Variants in HTR5A observed in about 807,000 individuals in gnomAD.
The protein encoded by HTR5A is 5-HT-5.
A neutral mutation model predicts 24.3 loss-of-function variants in HTR5A; 21 were observed. The observed-to-expected ratio is 0.86, with a 90% CI of 0.61 to 1.24. HTR5A has a LOEUF of 1.24. Ranked by LOEUF, HTR5A falls within the 50% of genes most tolerant of loss-of-function variation. HTR5A has a pLI of 0.00. For synonymous variants in HTR5A, 260 were observed against 213.7 expected, an observed-to-expected ratio of 1.22 and a Z score of -1.89; for missense variants, 497 against 489.5, an observed-to-expected ratio of 1.02 and a Z score of -0.15.
intron 1 of HTR5A, among the ~76,000 whole-genome samples, chr7:155,078,469 C>T (rs1384104635): frequency 1.3e-5 from 2 of 152,118 alleles, no homozygotes; most frequent in African/African-American, 4.8e-5. Context: ...TGTTCCATCA[C>T]ACCTGGCTAA....
chr7:155,073,996 C>G (rs7800742), intron 1 of HTR5A, among the ~76,000 whole-genome samples: 3,529 of 150,370 alleles, frequency 0.023, 136 homozygotes, highest in African/African-American at 0.082. Context: ...GCAAAAGGAC[C>G]CAAAATAATC....
rs1333907597 is a variant in HTR5A at position 155,084,335 on chromosome 7, A to T, written c.922A>T (p.Ser308Cys). 1 of 1,614,078 alleles carries T rather than the reference A, an allele frequency of 6.2e-7. No homozygotes were observed. The highest frequency in any genetic ancestry group is 8.5e-7 in the Non-Finnish European group (1 of 1,180,020). Residue 308 changes from serine (S) to cysteine (C), a missense_variant, in exon 2 of 2, where the codon AGT (serine) becomes TGT (cysteine). Coordinates refer to ENST00000287907, the MANE Select transcript of HTR5A (RefSeq NM_024012.4). ...CCCCTTCTTTCTCACCGAGCTCATC[A>T]GTCCCCTCTGCTCCTGTGACATCCC... ...WIPFFLTELI[S>C]PLCSCDIPAI...
rs1422605311 is a variant in HTR5A at position 155,070,681 on chromosome 7, A to G, written c.-219A>G. ...CGCAGCCCCTCGCCTCTGCTTCCTT[A>G]GCCTCTGAGGGCTTCAGACCTGCCG... On this transcript the variant is annotated 5_prime_UTR_variant, in exon 1 of 2. Coordinates refer to ENST00000287907, the MANE Select transcript of HTR5A (RefSeq NM_024012.4). 8.6e-6 allele frequency: 5 copies of G among 580,576 alleles called. No individual in the cohort carries two copies. Among genetic ancestry groups the G allele is most frequent in the Non-Finnish European group, 1.5e-5 (5 of 326,828 alleles). The allele number at this position is 580,576 out of a possible 1,614,324, so 36.0% of individuals were successfully genotyped here. A position where few individuals can be genotyped will look rare whatever the true frequency, so the allele number is the denominator to read the frequency against.
chr7:155,079,401 T>G (rs181146686), intron 1 of HTR5A, among the ~76,000 whole-genome samples: 71 of 152,340 alleles, frequency 4.7e-4, no homozygotes, highest in African/African-American at 1.5e-3. Context: ...TAAAGCTGAA[T>G]AGAAAAATAC....
Position 155,086,897 on chromosome 7 carries a change from C to T in HTR5A, c.*2410C>T, listed in dbSNP as rs1444802800. Among the ~76,000 whole-genome samples, 7 of 152,102 alleles carry T rather than the reference C, an allele frequency of 4.6e-5. No homozygotes were observed. In the South Asian group the frequency reaches 6.2e-4, roughly 14 times the overall value. Reference sequence around the variant, plus strand: ...TGCTCAAAATAACTAATTGTGTTCCCGTGCCAGATTGCAACAACCACCTTT... The same window carrying T: ...TGCTCAAAATAACTAATTGTGTTCCTGTGCCAGATTGCAACAACCACCTTT... On this transcript the variant is annotated 3_prime_UTR_variant, in exon 2 of 2. Transcript: ENST00000287907.
At chr7:155,075,230 T>C (rs1208709543) in intron 1 of HTR5A, among the ~76,000 whole-genome samples, 2 of 152,010 alleles carry the variant, frequency 1.3e-5, no homozygotes, top group African/African-American at 4.8e-5. Flanking sequence ...CAGCCAAAGC[T>C]GCAGGAGAGA....
intron 1 of HTR5A, among the ~76,000 whole-genome samples, chr7:155,076,911 T>G (rs1335086485): frequency 6.6e-6 from 1 of 152,202 alleles, no homozygotes; most frequent in Non-Finnish European, 1.5e-5. Context: ...AGCGGTGAAC[T>G]TAAAATAAGC....
chr7:155,078,726 T>C (rs1795384430), intron 1 of HTR5A, among the ~76,000 whole-genome samples: 1 of 148,348 alleles, frequency 6.7e-6, no homozygotes, highest in Admixed American at 6.9e-5. Flanking sequence ...AACTGGGTTA[T>C]ATAACTCTTC....
intron 1 of HTR5A, among the ~76,000 whole-genome samples, chr7:155,083,540 G>T (rs572139702): frequency 1.1e-4 from 16 of 152,326 alleles, no homozygotes; most frequent in South Asian, 6.2e-4. Context: ...TGGAGGCCTT[G>T]GGGGCACCCC....
rs1483706551 is a variant in HTR5A at position 155,086,692 on chromosome 7, G to A, written c.*2205G>A. ...AGAGAAGGAAGAAGTGGCAATTAAT[G>A]AATTATTTTGCTTCCATTTCAATAG... is the stretch of plus-strand genomic sequence containing the variant. On this transcript the variant is annotated 3_prime_UTR_variant, in exon 2 of 2. Coordinates refer to ENST00000287907, the MANE Select transcript of HTR5A (RefSeq NM_024012.4). Among the ~76,000 whole-genome samples the A allele has an allele frequency of 6.6e-6, 1 of 152,158 alleles. No homozygotes were observed. Among genetic ancestry groups the A allele is most frequent in the Non-Finnish European group, 1.5e-5 (1 of 68,024 alleles).
rs1188358953 is a variant in HTR5A at position 155,087,261 on chromosome 7, A to T, written c.*2774A>T. Among the ~76,000 whole-genome samples the T allele has an allele frequency of 2.6e-5, 4 of 152,154 alleles. No homozygotes were observed. Among genetic ancestry groups the T allele is most frequent in the African/African-American group, 9.7e-5 (4 of 41,440 alleles). On this transcript the variant is annotated 3_prime_UTR_variant, in exon 2 of 2. Transcript: ENST00000287907. Reference sequence around the variant, plus strand: ...AGCTTGTTATTTCTCTCTTCTTTTCATGAGGAGCATTTTTGCTTCCGTGTT... The same window carrying T: ...AGCTTGTTATTTCTCTCTTCTTTTCTTGAGGAGCATTTTTGCTTCCGTGTT...
chr7:155,070,365 G>C lies in HTR5A; in HGVS notation c.-535G>C, dbSNP rs956621707. The C allele has an allele frequency of 1.3e-5, 6 of 454,962 alleles. 1 individual carries two copies. The highest frequency in any genetic ancestry group is 6.5e-4 in the Middle Eastern group (2 of 3,068). The allele number at this position is 454,962 out of a possible 1,614,324, so 28.2% of individuals were successfully genotyped here. On this transcript the variant is annotated 5_prime_UTR_variant, in exon 1 of 2. Transcript: ENST00000287907. ...AGCTGCAGCCTCCGAAGGGGTGGCG[G>C]GGGCAACAGGGACAGAAGGCAGGTC...
chr7:155,076,976 C>T (rs988447399), intron 1 of HTR5A, among the ~76,000 whole-genome samples: 1 of 152,150 alleles, frequency 6.6e-6, no homozygotes, highest in Non-Finnish European at 1.5e-5. Context: ...AGCATGGCCC[C>T]ATATTTTCAT....
intron 1 of HTR5A, among the ~76,000 whole-genome samples, chr7:155,081,270 T>C (rs1044777698): frequency 6.6e-6 from 1 of 152,260 alleles, no homozygotes; most frequent in African/African-American, 2.4e-5. Flanking sequence ...TCAATACCCA[T>C]TATTGAAGGT....
At chr7:155,081,965 G>A (rs1270712643) in intron 1 of HTR5A, among the ~76,000 whole-genome samples, 2 of 152,188 alleles carry the variant, frequency 1.3e-5, no homozygotes, top group Admixed American at 1.3e-4. Flanking sequence ...TCTGAACAAC[G>A]TGGAGTTCTA....
intron 1 of HTR5A, among the ~76,000 whole-genome samples, chr7:155,073,638 A>G (rs1004779841): frequency 1.3e-5 from 2 of 151,646 alleles, no homozygotes; most frequent in South Asian, 2.1e-4. Context: ...CCTTTTATGA[A>G]TCTTCCTCTC....
In HTR5A at chr7:155,087,092, C is replaced by T. The variant is rs889562595; in HGVS notation, c.*2605C>T. 1.1e-4 allele frequency among the ~76,000 whole-genome samples: 16 copies of T among 152,104 alleles called. No homozygotes were observed. The highest frequency in any genetic ancestry group is 9.8e-4 in the Admixed American group (15 of 15,276). On this transcript the variant is annotated 3_prime_UTR_variant, in exon 2 of 2. Transcript: ENST00000287907. ...GACAAAGTACAAAGGAGATAATCCT[C>T]TCCTTATGAGTGATCTTAGCCCTCT...
chr7:155,085,597 A>G lies in HTR5A; in HGVS notation c.*1110A>G, dbSNP rs1219581382. 1 of 152,188 alleles carries G rather than the reference A, an allele frequency of 6.6e-6. No homozygotes were observed. The highest frequency in any genetic ancestry group is 1.5e-5 in the Non-Finnish European group (1 of 68,022). The allele number at this position is 152,188 out of a possible 1,614,324, so 9.4% of individuals were successfully genotyped here. A position where few individuals can be genotyped will look rare whatever the true frequency, so the allele number is the denominator to read the frequency against. On this transcript the variant is annotated 3_prime_UTR_variant, in exon 2 of 2. Transcript: ENST00000287907. ...GACAGTATAATTTATGAGGTGAGGC[A>G]GTTAAGTGATGATGCAGCATTTGGA...
In HTR5A at chr7:155,071,469, G is replaced by A; in HGVS notation, c.570G>A (p.Glu190=). The change falls in exon 1 of 2, where the codon GAG becomes GAA. Residue 190 remains glutamate, a synonymous_variant. Transcript: ENST00000287907. ...GWGETYSEGS[E]ECQVSREPSY... is the part of the protein sequence containing the mutation. ...GAGAGACGTACTCTGAGGGCAGCGA[G>A]GAGTGCCAGGTAAGCCGCGAGCCTT... 1 of 1,614,230 alleles carries A rather than the reference G, an allele frequency of 6.2e-7. No individual in the cohort carries two copies. Among genetic ancestry groups the A allele is most frequent in the South Asian group, 1.1e-5 (1 of 91,086 alleles).
Sources: allele counts gnomAD v4.1 joint callset (sites outside exome capture counted in the v4.1 genomes callset), GRCh38; gene constraint gnomAD v4.1.1; transcripts MANE v1.5; gene names NCBI Gene and HGNC (gene_info 2026-07-23, HGNC 2026-07-21).